Variants in CBFB observed in about 807,000 individuals in gnomAD.
The protein encoded by CBFB is core-binding factor subunit beta.
Under a neutral mutation model 30.4 loss-of-function variants are expected in CBFB, and 9 were observed. That is an observed-to-expected ratio of 0.30 (90% CI 0.18 to 0.52). The LOEUF is 0.52. Ranked by LOEUF, CBFB falls within the 20% of genes least tolerant of loss-of-function variation. The probability of loss-of-function intolerance (pLI) is 0.97; values close to 1 mark genes in which losing one functional copy is unlikely to be tolerated. For missense variants in CBFB, 170 were observed against 244.0 expected, an observed-to-expected ratio of 0.70 and a Z score of 2.02; for synonymous variants, 94 against 84.0, an observed-to-expected ratio of 1.12 and a Z score of -0.65.
At chr16:67,090,589 G>GC (rs1050385370) in intron 5 of CBFB, among the ~76,000 whole-genome samples, 1 of 152,190 alleles carries the variant, frequency 6.6e-6, no homozygotes, top group Non-Finnish European at 1.5e-5. Flanking sequence ...TCCAGAGACT[G>GC]CCTTCAACTT....
At chr16:67,061,146 G>C (rs984157745) in intron 3 of CBFB, among the ~76,000 whole-genome samples, 1 of 152,190 alleles carries the variant, frequency 6.6e-6, no homozygotes, top group Non-Finnish European at 1.5e-5. Flanking sequence ...TTTAGAGCTT[G>C]AGATGATTAA....
rs914283225 is a variant in CBFB, at chr16:67,029,570, C to A, written c.78+85C>A. On this transcript the variant is annotated intron_variant, in intron 1 of 5. Transcript: ENST00000412916. ...AGAAAAGTTTGGGCGGCACGGTCCCCGGGAGTCCCGGTCGGTGCGCCCGCG... is the reference window on the plus strand; with the variant it reads ...AGAAAAGTTTGGGCGGCACGGTCCCAGGGAGTCCCGGTCGGTGCGCCCGCG... 1.3e-5 allele frequency: 18 copies of A among 1,405,814 alleles called. No individual in the cohort carries two copies. In the Middle Eastern group the frequency reaches 6.2e-4, roughly 48 times the overall value. 87.1% of individuals were successfully genotyped at this position (1,405,814 alleles called of 1,614,324 possible). A position where few individuals can be genotyped will look rare whatever the true frequency, so the allele number is the denominator to read the frequency against.
At chr16:67,035,849 G>A (rs1559368) in intron 2 of CBFB, among the ~76,000 whole-genome samples, 3,148 of 152,232 alleles carry the variant, frequency 0.021, 103 homozygotes, top group African/African-American at 0.071. Flanking sequence ...CTTTGGGAAA[G>A]GGGTAATGTC....
At chr16:67,051,576 C>T (rs1436102374) in intron 3 of CBFB, among the ~76,000 whole-genome samples, 1 of 151,588 alleles carries the variant, frequency 6.6e-6, no homozygotes, top group Non-Finnish European at 1.5e-5. Context: ...GTATGTATTT[C>T]TATCAACTTA....
chr16:67,077,628 T>A (rs1283570010), intron 4 of CBFB, among the ~76,000 whole-genome samples: 1 of 152,232 alleles, frequency 6.6e-6, no homozygotes, highest in African/African-American at 2.4e-5. Flanking sequence ...CGATATTTTG[T>A]GCAAATTAGA....
At chr16:67,067,196 C>A (rs558785828) in intron 4 of CBFB, among the ~76,000 whole-genome samples, 1 of 148,978 alleles carries the variant, frequency 6.7e-6, no homozygotes. Context: ...AATGATAAAA[C>A]TTGACAAAAA....
chr16:67,066,500 C>T (rs551575944), intron 3 of CBFB, among the ~76,000 whole-genome samples, 182 bp from the exon 4 acceptor site: 2 of 152,054 alleles, frequency 1.3e-5, no homozygotes, highest in South Asian at 4.2e-4. Flanking sequence ...GCAGAGGTTG[C>T]AGTGAGCTGA....
chr16:67,072,774 CTTTT>C (rs764406221), intron 4 of CBFB, among the ~76,000 whole-genome samples: 1 of 141,230 alleles, frequency 7.1e-6, no homozygotes, highest in Non-Finnish European at 1.6e-5. Context: ...CCTCTTTTTT[CTTTT>C]TTTTTTTTTA....
chr16:67,033,372 C>T (rs1397413662), intron 2 of CBFB, among the ~76,000 whole-genome samples: 5 of 151,938 alleles, frequency 3.3e-5, no homozygotes, highest in African/African-American at 1.2e-4. Flanking sequence ...CTGGATCTTA[C>T]TCTGTCACTC....
Position 67,082,253 on chromosome 16 carries a change from G to A in CBFB, c.440G>A (p.Arg147Gln), listed in dbSNP as rs774137566. 3.1e-6 allele frequency: 5 copies of A among 1,610,956 alleles called. No homozygotes were observed. The highest frequency in any genetic ancestry group is 1.3e-5 in the African/African-American group (1 of 74,848). The change falls in exon 5 of 6, where the codon CGG becomes CAG. Residue 147 changes from arginine (R) to glutamine (Q), a missense_variant. By Grantham distance (43) the Arg-to-Gln change is conservative (BLOSUM62 1). Coordinates refer to ENST00000412916, the MANE Select transcript of CBFB (RefSeq NM_022845.3). ...ALAQQAFEEA[R>Q]RRTREFEDRD... Reference sequence around the variant, plus strand: ...GCACAACAGGCCTTTGAAGAGGCTCGGAGAAGGACACGCGAATTTGAAGAT... The same window carrying A: ...GCACAACAGGCCTTTGAAGAGGCTCAGAGAAGGACACGCGAATTTGAAGAT...
chr16:67,075,209 G>A lies in CBFB; in HGVS notation c.400-7004G>A, dbSNP rs1487804658. On this transcript the variant is annotated intron_variant, in intron 4 of 5. Transcript: ENST00000412916. ...TATCTCAAAAAAAATGTGTGTGTGT[G>A]TGTGTGTGTGTGTGTGTGTGTGTGT... 1.6e-4 allele frequency among the ~76,000 whole-genome samples: 21 copies of A among 134,966 alleles called. No homozygotes were observed. In the East Asian group the frequency reaches 3.1e-3, roughly 20 times the overall value. The allele number at this position is 134,966 out of a possible 152,430, so 88.5% of individuals were successfully genotyped here.
chr16:67,095,901 A>G (rs1962033547), intron 5 of CBFB, among the ~76,000 whole-genome samples: 1 of 150,826 alleles, frequency 6.6e-6, no homozygotes, highest in Non-Finnish European at 1.5e-5. Context: ...CATGTTGGCC[A>G]GGCTGATCTC....
intron 4 of CBFB, among the ~76,000 whole-genome samples, chr16:67,071,080 A>G (rs537756313): frequency 9.2e-5 from 14 of 152,298 alleles, no homozygotes; most frequent in Non-Finnish European, 5.9e-5. Context: ...AAAAAAATTC[A>G]GAGCAGGTGA....
chr16:67,045,797 T>A (rs1293025338), intron 3 of CBFB, among the ~76,000 whole-genome samples: 1 of 109,578 alleles, frequency 9.1e-6, no homozygotes, highest in African/African-American at 5.4e-5. Context: ...ACTTTCTACA[T>A]TTTTTTTTTT....
intron 2 of CBFB, among the ~76,000 whole-genome samples, chr16:67,034,063 C>G (rs1284309893): frequency 6.6e-6 from 1 of 151,966 alleles, no homozygotes; most frequent in Non-Finnish European, 1.5e-5. Context: ...CTTCTGACTT[C>G]GTGATCTGCC....
chr16:67,074,414 A>G (rs894929405), intron 4 of CBFB, among the ~76,000 whole-genome samples: 1 of 148,122 alleles, frequency 6.8e-6, no homozygotes, highest in African/African-American at 2.5e-5. Flanking sequence ...GACAGAGTCT[A>G]GCTCTGTCAC....
At chr16:67,053,742 T>C (rs34968486) in intron 3 of CBFB, among the ~76,000 whole-genome samples, 5,538 of 151,894 alleles carry the variant, frequency 0.036, 163 homozygotes, top group South Asian at 0.078. Context: ...ACTGAAACCA[T>C]TGCTCACCGT....
chr16:67,089,722 A>G (rs1304569560), intron 5 of CBFB, among the ~76,000 whole-genome samples: 2 of 152,188 alleles, frequency 1.3e-5, no homozygotes, highest in Non-Finnish European at 1.5e-5. Flanking sequence ...GCAGAACATA[A>G]TGAGGACTCT....
Position 67,035,104 on chromosome 16 carries a change from G to A in CBFB, c.166-1535G>A, listed in dbSNP as rs1358318132. On this transcript the variant is annotated intron_variant, in intron 2 of 5. Coordinates refer to ENST00000412916, the MANE Select transcript of CBFB (RefSeq NM_022845.3). Reference sequence around the variant, plus strand: ...TTTTTTGTTTTTTGTTTTTGTGATGGAGTCTCGCCTTGTTGTCCAGGCTGG... The same window carrying A: ...TTTTTTGTTTTTTGTTTTTGTGATGAAGTCTCGCCTTGTTGTCCAGGCTGG... Among the ~76,000 whole-genome samples the A allele has an allele frequency of 7.9e-5, 12 of 151,826 alleles. No individual in the cohort carries two copies. The East Asian group carries it at 2.1e-3, about 27-fold the overall frequency.
Sources: allele counts gnomAD v4.1 joint callset (sites outside exome capture counted in the v4.1 genomes callset), GRCh38; gene constraint gnomAD v4.1.1; transcripts MANE v1.5; gene names NCBI Gene and HGNC (gene_info 2026-07-23, HGNC 2026-07-21).